The following DCAF12 variants were observed in gnomAD, a reference collection of about 807,000 sequenced individuals.
DCAF12 encodes DDB1 and CUL4 associated factor 12, also known as DDB1- and CUL4-associated factor 12.
In DCAF12, 28 loss-of-function variants were observed where a neutral mutation model predicts 52.8. The observed-to-expected ratio is 0.53, with a 90% CI of 0.39 to 0.73. DCAF12 has a LOEUF of 0.73. Ranked by LOEUF, DCAF12 falls within the 30% of genes least tolerant of loss-of-function variation. The pLI is 0.00. For synonymous variants in DCAF12, 196 were observed against 215.5 expected (o/e 0.91, Z 0.79); for missense variants, 425 against 552.2 (o/e 0.77, Z 2.31).
rs577829443 is a variant in DCAF12, at chr9:34,126,233, A to G, written c.78+121T>C. The stretch of plus-strand genomic sequence containing the variant: ...TCCTGACCCTATAGGCCCTGAACCC[A>G]TTCCTGTTTTGCCTCTGACTGCAGA... On this transcript the variant is annotated intron_variant, in intron 1 of 8. Transcript: ENST00000361264. The G allele has an allele frequency of 3.7e-5, 47 of 1,264,062 alleles. No homozygotes were observed. The East Asian group carries it at 1.1e-3, about 30-fold the overall frequency. 78.3% of individuals were successfully genotyped at this position (1,264,062 alleles called of 1,614,324 possible).
At chr9:34,093,649 G>C in intron 6 of DCAF12, 2 of 546,374 alleles carry the variant, frequency 3.7e-6, no homozygotes, top group Non-Finnish European at 3.3e-6. Context: ...GTAAGACCTA[G>C]ATACTGAAGG....
Position 34,093,467 on chromosome 9 carries a change from T to C in DCAF12, c.862-19A>G. 6.2e-7 allele frequency: 1 copy of C among 1,612,390 alleles called. No individual in the cohort carries two copies. The highest frequency in any genetic ancestry group is 1.1e-5 in the South Asian group (1 of 91,022). On this transcript the variant is annotated intron_variant, in intron 6 of 8. Coordinates refer to ENST00000361264, the MANE Select transcript of DCAF12 (RefSeq NM_015397.4). The stretch of plus-strand genomic sequence containing the variant: ...AGAGGAGCTGAAAATAGAGGAGAGA[T>C]ATAACCATGGCATCAGCAGAGAGGG...
At chr9:34,096,170 A>T (rs775989449) in intron 6 of DCAF12, 3 of 152,356 alleles carry the variant, frequency 2.0e-5, no homozygotes, top group Non-Finnish European at 4.4e-5. Flanking sequence ...AGCCTGGGAA[A>T]CATAGTGAGA....
At chr9:34,099,216 T>C (rs559243776) in intron 4 of DCAF12, among the ~76,000 whole-genome samples, 15 of 151,784 alleles carry the variant, frequency 9.9e-5, no homozygotes, top group African/African-American at 3.6e-4. Flanking sequence ...CACAGGCGCA[T>C]GCTACCATGC....
chr9:34,119,860 C>A (rs983941741), intron 2 of DCAF12, among the ~76,000 whole-genome samples: 4 of 151,888 alleles, frequency 2.6e-5, no homozygotes, highest in East Asian at 3.9e-4. Context: ...AGCCACCATG[C>A]CCAGCTAATT....
intron 6 of DCAF12, chr9:34,095,895 T>C (rs1225419165): frequency 6.6e-6 from 1 of 152,188 alleles, no homozygotes; most frequent in Non-Finnish European, 1.5e-5. Flanking sequence ...AAATGCATTG[T>C]TGAGGAGGAC....
chr9:34,096,483 C>A (rs1308545772), intron 6 of DCAF12, among the ~76,000 whole-genome samples: 2 of 152,096 alleles, frequency 1.3e-5, no homozygotes, highest in Admixed American at 6.6e-5. Context: ...CGCCTGTAAT[C>A]CCCGCAGCTA....
At position 34,094,009 on chromosome 9, in the gene DCAF12, A is replaced by G. The variant is rs72729401; in HGVS notation, c.862-561T>C. Among the ~76,000 whole-genome samples, 1,268 of 152,292 alleles carry G rather than the reference A, an allele frequency of 8.3e-3. 5 individuals are homozygous for G. The highest frequency in any genetic ancestry group is 0.014 in the Non-Finnish European group (947 of 68,034). On this transcript the variant is annotated intron_variant, in intron 6 of 8. Coordinates refer to ENST00000361264, the MANE Select transcript of DCAF12 (RefSeq NM_015397.4). ...TCCTCAGTGGGTGCATACAACACAT[A>G]AGACAGCATACAAGGTCAGTGGAGC...
intron 2 of DCAF12, chr9:34,109,733 A>G: frequency 1.1e-5 from 3 of 262,170 alleles, no homozygotes; most frequent in South Asian, 4.7e-5. Flanking sequence ...ATGGCCATTG[A>G]GCTGGCCCTG....
At chr9:34,091,042 T>C (rs759346264) in intron 7 of DCAF12, among the ~76,000 whole-genome samples, 3 of 151,964 alleles carry the variant, frequency 2.0e-5, no homozygotes, top group Non-Finnish European at 4.4e-5. Context: ...TAAGAACAAA[T>C]AGGCCAGGCG....
chr9:34,117,373 A>C (rs1003317299), intron 2 of DCAF12, among the ~76,000 whole-genome samples: 12 of 149,628 alleles, frequency 8.0e-5, no homozygotes, highest in African/African-American at 3.0e-4. Context: ...GATGGTCTTG[A>C]TCTCCTCACC....
intron 4 of DCAF12, among the ~76,000 whole-genome samples, 191 bp from the exon 5 acceptor site, chr9:34,098,708 CCTAAGGT>C (rs1355266509): frequency 6.6e-6 from 1 of 152,210 alleles, no homozygotes; most frequent in Admixed American, 6.5e-5. Context: ...GAATTATTCA[CCTAAGGT>C]CTAGGCATTA....
In DCAF12 at chr9:34,126,270, G is replaced by A. The variant is rs1173598408; in HGVS notation, c.78+84C>T. 14 of 1,537,390 alleles carry A rather than the reference G, an allele frequency of 9.1e-6. No homozygotes were observed. In the East Asian group the frequency reaches 2.6e-4, roughly 28 times the overall value. Reference sequence around the variant, plus strand: ...CCTCTGACTGCAGACCCTGGACCCCGATTCCCGTCGCAGGATCTGCGGACC... The same window carrying A: ...CCTCTGACTGCAGACCCTGGACCCCAATTCCCGTCGCAGGATCTGCGGACC... On this transcript the variant is annotated intron_variant, in intron 1 of 8. Coordinates refer to ENST00000361264, the MANE Select transcript of DCAF12 (RefSeq NM_015397.4).
chr9:34,103,687 CTA>C (rs879782857), intron 4 of DCAF12, among the ~76,000 whole-genome samples: 2 of 151,934 alleles, frequency 1.3e-5, no homozygotes, highest in Admixed American at 6.6e-5. Flanking sequence ...GACCCAGTCT[CTA>C]TAAAAAATAG....
intron 4 of DCAF12, among the ~76,000 whole-genome samples, chr9:34,098,890 T>C (rs1402825493): frequency 6.6e-6 from 1 of 151,636 alleles, no homozygotes; most frequent in Non-Finnish European, 1.5e-5. Flanking sequence ...TGCCTCACCC[T>C]CCCAAGTAGC....
chr9:34,124,873 GGAA>G lies in DCAF12; in HGVS notation c.333+147_333+149del. The stretch of plus-strand genomic sequence containing the variant: ...GAGTGAAAAAAGGAACACGAAAAGA[GGAA>G]GAAGTCACCAACGGGAAAGAATGGA... On this transcript the variant is annotated intron_variant, in intron 2 of 8. Transcript: ENST00000361264. The G allele has an allele frequency of 6.1e-6, 6 of 982,888 alleles. No individual in the cohort carries two copies. In the South Asian group the frequency reaches 8.6e-5, roughly 14 times the overall value. 60.9% of individuals were successfully genotyped at this position (982,888 alleles called of 1,614,324 possible).
At chr9:34,091,836 A>G (rs528887106) in intron 7 of DCAF12, among the ~76,000 whole-genome samples, 31 of 152,212 alleles carry the variant, frequency 2.0e-4, no homozygotes, top group African/African-American at 6.5e-4. Context: ...AAAGTGAGAT[A>G]AAGAAAATAC....
chr9:34,107,291 C>T (rs1258523189), intron 3 of DCAF12, 68 bp downstream of exon 3: 4 of 1,460,280 alleles, frequency 2.7e-6, no homozygotes, highest in Non-Finnish European at 9.6e-7. Context: ...AGAGGAGGGT[C>T]CATGTTAATC....
At chr9:34,117,502 C>G (rs1330620328) in intron 2 of DCAF12, among the ~76,000 whole-genome samples, 1 of 152,062 alleles carries the variant, frequency 6.6e-6, no homozygotes, top group Non-Finnish European at 1.5e-5. Flanking sequence ...ATCCTAAAAG[C>G]CAGCTTTGGC....
Sources: gnomAD v4.1 joint callset for allele counts (sites outside exome capture counted in the v4.1 genomes callset) on GRCh38, gnomAD v4.1.1 for gene constraint, MANE v1.5 for transcripts, NCBI Gene and HGNC (gene_info 2026-07-23, HGNC 2026-07-21) for gene names.